DPP6: variants seen among roughly 807,000 people sequenced by gnomAD.
DPP6 encodes A-type potassium channel modulatory protein DPP6.
A neutral mutation model predicts 122.6 loss-of-function variants in DPP6; 69 were observed. That is an observed-to-expected ratio of 0.56 (90% CI 0.46 to 0.69). The LOEUF is 0.69. Among genes scored for constraint, DPP6 ranks in the 30% least tolerant of loss-of-function variants. DPP6 has a pLI of 0.00. For missense variants in DPP6, 928 were observed against 1,116.9 expected, an observed-to-expected ratio of 0.83 and a Z score of 2.41; for synonymous variants, 418 against 433.1, an observed-to-expected ratio of 0.97 and a Z score of 0.43.
chr7:154,610,536 T>C (rs897817757), intron 5 of DPP6, among the ~76,000 whole-genome samples: 2 of 152,228 alleles, frequency 1.3e-5, no homozygotes, highest in Non-Finnish European at 2.9e-5. Flanking sequence ...ACCTGTCTTA[T>C]GTAGCTAAAA....
intron 8 of DPP6, among the ~76,000 whole-genome samples, chr7:154,749,458 TG>T (rs1489702199): frequency 0.014 from 1,892 of 134,086 alleles, 9 homozygotes; most frequent in Non-Finnish European, 0.018. Flanking sequence ...GCGGCTTTAC[TG>T]AGAGAGGGTG....
At chr7:154,551,915 A>G (rs1431929539) in intron 4 of DPP6, among the ~76,000 whole-genome samples, 1 of 152,096 alleles carries the variant, frequency 6.6e-6, no homozygotes, top group Non-Finnish European at 1.5e-5. Flanking sequence ...GAATGGAGGC[A>G]ATTTTTTCTT....
At chr7:154,070,095 C>T (rs1803012464) in intron 1 of DPP6, among the ~76,000 whole-genome samples, 1 of 151,766 alleles carries the variant, frequency 6.6e-6, no homozygotes, top group Non-Finnish European at 1.5e-5. Context: ...ATCCCCACAC[C>T]GAGGTATCAG....
At chr7:154,801,601 G>A in intron 13 of DPP6, 139 bp downstream of exon 13, 6 of 1,256,200 alleles carry the variant, frequency 4.8e-6, no homozygotes, top group Non-Finnish European at 6.4e-6. Context: ...GCAGGGCAGG[G>A]CATGGCGCTG....
At chr7:154,310,331 C>T (rs1424725900) in intron 1 of DPP6, among the ~76,000 whole-genome samples, 1 of 152,232 alleles carries the variant, frequency 6.6e-6, no homozygotes, top group Non-Finnish European at 1.5e-5. Context: ...ATGCGCTGTG[C>T]TCTGAGAACT....
chr7:154,298,762 G>A (rs1201554755), intron 1 of DPP6, among the ~76,000 whole-genome samples: 2 of 152,122 alleles, frequency 1.3e-5, no homozygotes, highest in Admixed American at 6.5e-5. Context: ...AGCTCTCTTG[G>A]TTTATACTCC....
At chr7:154,714,882 G>A (rs1015339892) in intron 7 of DPP6, among the ~76,000 whole-genome samples, 2 of 152,142 alleles carry the variant, frequency 1.3e-5, no homozygotes, top group Non-Finnish European at 2.9e-5. Flanking sequence ...GACTGAGTGG[G>A]CTTACTTGGG....
At chr7:154,063,598 C>CA (rs553640370) in intron 1 of DPP6, among the ~76,000 whole-genome samples, 4,613 of 53,544 alleles carry the variant, frequency 0.086, 677 homozygotes, top group Non-Finnish European at 0.1. Context: ...ACCCCCATCG[C>CA]AGTGAGGGAG....
At chr7:154,034,154 T>A (rs1310648159) in intron 1 of DPP6, among the ~76,000 whole-genome samples, 2 of 152,206 alleles carry the variant, frequency 1.3e-5, no homozygotes, top group Non-Finnish European at 2.9e-5. Flanking sequence ...GTTGTCAAGC[T>A]GAATTTGTTC....
chr7:153,804,865 CAGAG>C, the DPP6 span, among the ~76,000 whole-genome samples: 1 of 151,504 alleles, frequency 6.6e-6, no homozygotes, highest in East Asian at 1.9e-4. Flanking sequence ...GCCTGGGCAA[CAGAG>C]AGAGACTTCA....
intron 16 of DPP6, among the ~76,000 whole-genome samples, chr7:154,834,010 C>T (rs986083478): frequency 1.1e-4 from 17 of 152,082 alleles, no homozygotes; most frequent in African/African-American, 4.1e-4. Flanking sequence ...CCAGTGAGGT[C>T]ATCAGCACCG....
At chr7:153,978,950 G>A (rs531780804) in intron 1 of DPP6, among the ~76,000 whole-genome samples, 1 of 152,160 alleles carries the variant, frequency 6.6e-6, no homozygotes, top group African/African-American at 2.4e-5. Context: ...GGTTACTGTA[G>A]CCTTATAGTT....
intron 1 of DPP6, among the ~76,000 whole-genome samples, chr7:154,171,954 G>T (rs1167239503): frequency 1.3e-5 from 2 of 152,078 alleles, no homozygotes; most frequent in African/African-American, 2.4e-5. Flanking sequence ...CCTGACTAAC[G>T]TTATGAAACA....
At chr7:153,818,050 T>C in the DPP6 span, among the ~76,000 whole-genome samples, 13 of 151,970 alleles carry the variant, frequency 8.6e-5, no homozygotes, top group Admixed American at 7.2e-4. Flanking sequence ...ACCTAAAATA[T>C]ACTACAAATC....
At chr7:154,444,833 T>A (rs1181922996) in intron 1 of DPP6, among the ~76,000 whole-genome samples, 1 of 152,050 alleles carries the variant, frequency 6.6e-6, no homozygotes, top group Non-Finnish European at 1.5e-5. Context: ...TAATAGGAAA[T>A]GAGATTGAAT....
chr7:154,140,931 T>C (rs1345617409), intron 1 of DPP6, among the ~76,000 whole-genome samples: 1 of 152,200 alleles, frequency 6.6e-6, no homozygotes, highest in Non-Finnish European at 1.5e-5. Flanking sequence ...CGCTAAGTAA[T>C]CTCCGAAGTC....
At chr7:154,016,202 CTTGTT>C (rs1449745196) in intron 1 of DPP6, among the ~76,000 whole-genome samples, 2 of 152,142 alleles carry the variant, frequency 1.3e-5, no homozygotes. Flanking sequence ...ATCTCTTTGT[CTTGTT>C]TTATCTTCTT....
At chr7:153,763,320 A>G in the DPP6 span, among the ~76,000 whole-genome samples, 1 of 150,998 alleles carries the variant, frequency 6.6e-6, no homozygotes, top group African/African-American at 2.4e-5. Context: ...TTTGTTGAGC[A>G]AACTTTTCTA....
chr7:154,551,173 C>T (rs1030139553), intron 4 of DPP6, among the ~76,000 whole-genome samples: 1 of 152,192 alleles, frequency 6.6e-6, no homozygotes. Context: ...TCAATGTTTA[C>T]ATTTTACCTG....
Sources: gnomAD v4.1 joint callset for allele counts (sites outside exome capture counted in the v4.1 genomes callset) on GRCh38, gnomAD v4.1.1 for gene constraint, MANE v1.5 for transcripts, NCBI Gene and HGNC (gene_info 2026-07-23, HGNC 2026-07-21) for gene names.